The following ITGAX variants were observed in gnomAD, a reference collection of about 807,000 sequenced individuals.
ITGAX encodes integrin alpha-X.
In ITGAX, 99 loss-of-function variants were observed where a neutral mutation model predicts 140.2. That is an observed-to-expected ratio of 0.71 (90% CI 0.60 to 0.83). The LOEUF (loss-of-function observed/expected upper bound fraction) is 0.83, where lower values mean the gene tolerates loss of function less well. Ranked by LOEUF, ITGAX falls within the 40% of genes least tolerant of loss-of-function variation. ITGAX has a pLI of 0.00. For missense variants in ITGAX, 1,444 were observed against 1,482.0 expected (o/e 0.97, Z 0.42); for synonymous variants, 631 against 600.4 (o/e 1.05, Z -0.75).
At chr16:31,357,715 T>C (rs1348418355) in intron 5 of ITGAX, 1 of 440,136 alleles carries the variant, frequency 2.3e-6, no homozygotes, top group Non-Finnish European at 4.0e-6. Flanking sequence ...TTGTTATTTT[T>C]AGAGGAGAGG....
intron 15 of ITGAX, 50 bp from the exon 16 acceptor site, chr16:31,371,284 G>GTGC (rs776949835): frequency 6.2e-7 from 1 of 1,609,204 alleles, no homozygotes; most frequent in Non-Finnish European, 8.5e-7. Flanking sequence ...ACCCCACGTG[G>GTGC]TGCTCCCAGG....
At chr16:31,373,546 CACTG>C (rs1177292186) in intron 20 of ITGAX, among the ~76,000 whole-genome samples, 156 bp downstream of exon 20, 8 of 152,234 alleles carry the variant, frequency 5.3e-5, no homozygotes, top group Admixed American at 1.3e-4. Flanking sequence ...AGTTTAAGGA[CACTG>C]ACTATCAGGA....
At chr16:31,378,501 C>T (rs1413540594) in intron 23 of ITGAX, among the ~76,000 whole-genome samples, 1 of 151,940 alleles carries the variant, frequency 6.6e-6, no homozygotes, top group Non-Finnish European at 1.5e-5. Context: ...AGGTCTTGCT[C>T]TGTTGCCCAG....
chr16:31,366,779 G>A (rs547087032), intron 14 of ITGAX, among the ~76,000 whole-genome samples: 3 of 152,332 alleles, frequency 2.0e-5, no homozygotes, highest in Non-Finnish European at 4.4e-5. Flanking sequence ...GCCTCCCAAA[G>A]CACTGGGATT....
chr16:31,357,696 G>A (rs2080778730), intron 5 of ITGAX: 1 of 434,316 alleles, frequency 2.3e-6, no homozygotes. Flanking sequence ...GCCCCATGAA[G>A]GCCAGCTGTT....
In ITGAX at chr16:31,362,186, A is replaced by G; in HGVS notation, c.1198A>G (p.Met400Val). The change falls in exon 11 of 30, where the codon ATG (methionine) becomes GTG (valine). Residue 400 changes from methionine (M) to valine (V), a missense_variant. By Grantham distance (21) the Met-to-Val change is conservative. Coordinates refer to ENST00000268296, the MANE Select transcript of ITGAX (RefSeq NM_000887.5). ...CAACATGTCTCAGGAGAATGTGGACATGAGGGACTCTTACCTGGGTGAGAA... is the reference window on the plus strand; with the variant it reads ...CAACATGTCTCAGGAGAATGTGGACGTGAGGGACTCTTACCTGGGTGAGAA... ...FINMSQENVD[M>V]RDSYLGYSTE... 5.6e-6 allele frequency: 9 copies of G among 1,613,594 alleles called. No homozygotes were observed. The highest frequency in any genetic ancestry group is 7.6e-6 in the Non-Finnish European group (9 of 1,179,738).
intron 17 of ITGAX, among the ~76,000 whole-genome samples, chr16:31,372,166 G>GGC (rs1555477538): frequency 2.8e-5 from 3 of 106,868 alleles, no homozygotes; most frequent in Admixed American, 8.6e-5. Flanking sequence ...CGGGAGGTCT[G>GGC]GGGGGGGGGA....
chr16:31,378,363 C>G (rs894898972), intron 23 of ITGAX, among the ~76,000 whole-genome samples: 24 of 152,234 alleles, frequency 1.6e-4, no homozygotes, highest in African/African-American at 5.8e-4. Context: ...AGGCCATGGC[C>G]CCTGCTCTCC....
chr16:31,377,825 G>A (rs1212897780), intron 23 of ITGAX, among the ~76,000 whole-genome samples: 6 of 152,246 alleles, frequency 3.9e-5, no homozygotes, highest in Non-Finnish European at 7.3e-5. Context: ...GGGAGTGCCA[G>A]GTTGGGGCAT....
chr16:31,375,125 T>C (rs944433297), intron 20 of ITGAX, among the ~76,000 whole-genome samples: 3 of 152,152 alleles, frequency 2.0e-5, no homozygotes, highest in Admixed American at 6.5e-5. Flanking sequence ...AAGCAATTCT[T>C]GTGCCTCAGC....
chr16:31,355,334 C>T (rs1193936598), intron 1 of ITGAX, 43 bp downstream of exon 1: 2 of 1,609,034 alleles, frequency 1.2e-6, no homozygotes, highest in Non-Finnish European at 1.7e-6. Context: ...GACCCAGGCC[C>T]AAGGGAGCCA....
intron 14 of ITGAX, among the ~76,000 whole-genome samples, chr16:31,368,998 T>C (rs1295002157): frequency 1.3e-5 from 2 of 152,238 alleles, no homozygotes; most frequent in East Asian, 1.9e-4. Context: ...AAATCTCCCA[T>C]GTCTACTTCT....
chr16:31,381,011 A>G lies in ITGAX; in HGVS notation c.3387+4A>G, dbSNP rs764860258. On this transcript the variant is annotated splice_donor_region_variant and intron_variant, in intron 29 of 29. Transcript: ENST00000268296. ...CATCACAGCGGTACTGTACAAAGTG[A>G]GTGTTTTATGCCACTCTTGACACCA... The G allele has an allele frequency of 1.9e-6, 3 of 1,608,204 alleles. No individual in the cohort carries two copies. Among genetic ancestry groups the G allele is most frequent in the Admixed American group, 3.3e-5 (2 of 59,920 alleles).
chr16:31,365,997 T>G (rs557342060), intron 14 of ITGAX, among the ~76,000 whole-genome samples: 24 of 152,202 alleles, frequency 1.6e-4, no homozygotes, highest in Non-Finnish European at 2.9e-4. Flanking sequence ...GAAAGACTGT[T>G]GAGAATAACA....
At chr16:31,361,964 A>G (rs1597066478) in intron 10 of ITGAX, 55 bp downstream of exon 10, 1 of 1,612,042 alleles carries the variant, frequency 6.2e-7, no homozygotes, top group Non-Finnish European at 8.5e-7. Flanking sequence ...GGAGCAGGGA[A>G]GGCCAGGGTG....
chr16:31,361,413 G>A, intron 9 of ITGAX, 200 bp downstream of exon 9: 1 of 705,154 alleles, frequency 1.4e-6, no homozygotes, highest in Non-Finnish European at 2.5e-6. Context: ...CCCCAGGGAT[G>A]GCCCTGCTCC....
intron 19 of ITGAX, among the ~76,000 whole-genome samples, chr16:31,372,918 C>CAA (rs2080984635): frequency 6.7e-6 from 1 of 149,232 alleles, no homozygotes; most frequent in African/African-American, 2.5e-5. Context: ...AAAAACAAAA[C>CAA]AACAACAACA....
rs750938180 is a variant in ITGAX, at chr16:31,371,677, C to T, written c.2053C>T (p.Arg685Cys). The T allele has an allele frequency of 8.1e-6, 13 of 1,614,024 alleles. No individual in the cohort carries two copies. The highest frequency in any genetic ancestry group is 5.5e-5 in the South Asian group (5 of 91,082). ...VTLDLALDPG[R>C]LSPRATFQET... ...CTTGGACCTGGCCCTCGACCCTGGC[C>T]GCCTGAGTCCCCGTGCCACCTTCCA... The change falls in exon 17 of 30, where the codon CGC becomes TGC. Residue 685 changes from arginine to cysteine, a missense_variant. Physicochemically the swap from Arg to Cys is radical, Grantham distance 180. Transcript: ENST00000268296.
chr16:31,360,506 T>C (rs1334868524), intron 8 of ITGAX, 43 bp downstream of exon 8: 1 of 1,531,538 alleles, frequency 6.5e-7, no homozygotes, highest in African/African-American at 1.4e-5. Context: ...CGGCTTCCTC[T>C]CAGGGCAACT....
Sources: gnomAD v4.1 joint callset for allele counts (sites outside exome capture counted in the v4.1 genomes callset) on GRCh38, gnomAD v4.1.1 for gene constraint, MANE v1.5 for transcripts, NCBI Gene and HGNC (gene_info 2026-07-23, HGNC 2026-07-21) for gene names.